The following TCF25 variants were observed in gnomAD, a reference collection of about 807,000 sequenced individuals.
TCF25 encodes TCF25 ribosome quality control complex subunit, also known as ribosome quality control complex subunit TCF25.
TCF25 carries 41 observed loss-of-function variants against 83.1 expected under a neutral mutation model. That is an observed-to-expected ratio of 0.49 (90% CI 0.38 to 0.64). The LOEUF is 0.64. Ranked by LOEUF, TCF25 falls within the 30% of genes least tolerant of loss-of-function variation. The pLI is 0.00. For synonymous variants in TCF25, 458 were observed against 365.0 expected, an observed-to-expected ratio of 1.25 and a Z score of -2.90; for missense variants, 979 against 914.5, an observed-to-expected ratio of 1.07 and a Z score of -0.91.
intron 1 of TCF25, among the ~76,000 whole-genome samples, chr16:89,882,597 T>C (rs904683686): frequency 6.6e-6 from 1 of 152,200 alleles, no homozygotes; most frequent in African/African-American, 2.4e-5. Flanking sequence ...ATTTTGTTTT[T>C]CTATTTTGAG....
intron 9 of TCF25, among the ~76,000 whole-genome samples, chr16:89,897,440 T>C (rs1430803441): frequency 9.2e-5 from 14 of 152,264 alleles, no homozygotes; most frequent in African/African-American, 3.4e-4. Context: ...CCCTGGGTTG[T>C]CTGCAGTGTG....
At chr16:89,891,509 C>T (rs2043425224) in intron 5 of TCF25, among the ~76,000 whole-genome samples, 1 of 152,202 alleles carries the variant, frequency 6.6e-6, no homozygotes. Context: ...GCGGCTGCCA[C>T]GCCCCACCTG....
At chr16:89,889,552 CTT>C (rs773150311) in intron 5 of TCF25, 93 of 143,302 alleles carry the variant, frequency 6.5e-4, no homozygotes, top group South Asian at 2.9e-3. Flanking sequence ...CGTCTGAGTT[CTT>C]TTTTTTTTTT....
chr16:89,911,023 C>T (rs775059191), intron 17 of TCF25, 57 bp from the exon 18 acceptor site: 89 of 1,596,876 alleles, frequency 5.6e-5, no homozygotes, highest in Middle Eastern at 2.3e-4. Flanking sequence ...GCTTGGGCCC[C>T]GGGCCCCTAG....
intron 1 of TCF25, among the ~76,000 whole-genome samples, chr16:89,879,915 G>C (rs373579297): frequency 6.9e-6 from 1 of 145,972 alleles, no homozygotes; most frequent in East Asian, 2.0e-4. Flanking sequence ...CGTGTTGTCC[G>C]TGTACACAGA....
intron 1 of TCF25, among the ~76,000 whole-genome samples, chr16:89,882,408 C>G (rs1367981153): frequency 1.3e-5 from 2 of 151,982 alleles, no homozygotes; most frequent in Non-Finnish European, 2.9e-5. Context: ...CATGGTAGCT[C>G]ACGCCTGTAG....
intron 1 of TCF25, among the ~76,000 whole-genome samples, chr16:89,875,702 T>G (rs144219656): frequency 0.16 from 24,287 of 151,138 alleles, 2,109 homozygotes; most frequent in Middle Eastern, 0.37. Context: ...TTTTGTATTT[T>G]TAGTAGAGAT....
At chr16:89,897,268 T>G (rs755901623) in intron 9 of TCF25, among the ~76,000 whole-genome samples, 1 of 152,242 alleles carries the variant, frequency 6.6e-6, no homozygotes, top group Non-Finnish European at 1.5e-5. Flanking sequence ...CAGATACTTC[T>G]GCCCCTAAAG....
intron 12 of TCF25, 55 bp downstream of exon 12, chr16:89,900,849 G>C: frequency 6.8e-7 from 1 of 1,460,968 alleles, no homozygotes; most frequent in Admixed American, 2.0e-5. Flanking sequence ...CAGCCGTGGG[G>C]GCTGCTCTTC....
intron 7 of TCF25, 183 bp downstream of exon 7, chr16:89,894,041 A>AGAG: frequency 1.2e-6 from 1 of 833,058 alleles, no homozygotes; most frequent in South Asian, 1.8e-5. Context: ...CGGAGGCTCT[A>AGAG]GGCCAAGCGA....
intron 13 of TCF25, 92 bp downstream of exon 13, chr16:89,904,297 C>T (rs910666687): frequency 7.2e-7 from 1 of 1,383,188 alleles, no homozygotes; most frequent in Non-Finnish European, 1.0e-6. Flanking sequence ...CCTGAGGGAC[C>T]TGCTTCCAGC....
chr16:89,896,874 C>G (rs538474067), intron 9 of TCF25, among the ~76,000 whole-genome samples: 18 of 152,196 alleles, frequency 1.2e-4, no homozygotes, highest in Admixed American at 3.9e-4. Flanking sequence ...ATTTTAAAAA[C>G]TAGCTGCGCC....
Position 89,883,345 on chromosome 16 carries a change from T to C in TCF25, c.193-6T>C, listed in dbSNP as rs2042749353. 1 of 1,612,502 alleles carries C rather than the reference T, an allele frequency of 6.2e-7. No homozygotes were observed. Among genetic ancestry groups the C allele is most frequent in the African/African-American group, 1.3e-5 (1 of 75,022 alleles). On this transcript the variant is annotated splice_region_variant and splice_polypyrimidine_tract_variant and intron_variant, in intron 1 of 17. Transcript: ENST00000263346. The stretch of plus-strand genomic sequence containing the variant: ...GCCCTGGCTCTTCTCCAACCTGTTT[T>C]TCCAGATAAACATTGACGATCTTGA...
Position 89,873,644 on chromosome 16 carries a change from C to G in TCF25, c.-24C>G, listed in dbSNP as rs2041919560. 1 of 1,542,818 alleles carries G rather than the reference C, an allele frequency of 6.5e-7. No homozygotes were observed. Among genetic ancestry groups the G allele is most frequent in the Non-Finnish European group, 8.7e-7 (1 of 1,150,608 alleles). Reference sequence around the variant, plus strand: ...TTCTGCGCTTCCTTCTCCCTCTCTCCAGACGTCGTGGTCGTTCGGTCCTAT... The same window carrying G: ...TTCTGCGCTTCCTTCTCCCTCTCTCGAGACGTCGTGGTCGTTCGGTCCTAT... On this transcript the variant is annotated 5_prime_UTR_variant, in exon 1 of 18. Transcript: ENST00000263346.
At chr16:89,891,424 G>C (rs2043419249) in intron 5 of TCF25, among the ~76,000 whole-genome samples, 1 of 152,240 alleles carries the variant, frequency 6.6e-6, no homozygotes, top group South Asian at 2.1e-4. Flanking sequence ...GGCCAGGGCA[G>C]GGATGGCCCC....
At chr16:89,904,299 G>A in intron 13 of TCF25, 94 bp downstream of exon 13, 1 of 1,365,344 alleles carries the variant, frequency 7.3e-7, no homozygotes, top group African/African-American at 1.4e-5. Flanking sequence ...TGAGGGACCT[G>A]CTTCCAGCAG....
At chr16:89,895,002 GTGCCTTTCC>G (rs755077326) in intron 7 of TCF25, 27 bp from the exon 8 acceptor site, 2 of 1,591,560 alleles carry the variant, frequency 1.3e-6, no homozygotes, top group South Asian at 2.2e-5. Context: ...GCCTTGCTGA[GTGCCTTTCC>G]TCCAGGGCTG....
intron 11 of TCF25, among the ~76,000 whole-genome samples, chr16:89,899,589 G>A (rs1474782000): frequency 7.9e-5 from 12 of 152,126 alleles, no homozygotes; most frequent in Non-Finnish European, 1.2e-4. Flanking sequence ...TTAGCTGGGC[G>A]TGGTGGTGCA....
At chr16:89,907,507 A>T (rs72813433) in intron 16 of TCF25, among the ~76,000 whole-genome samples, 185 bp downstream of exon 16, 71 of 4,906 alleles carry the variant, frequency 0.014, no homozygotes, top group East Asian at 0.036. Flanking sequence ...CCCTCCTCCC[A>T]CCTCCCACCT....
Sources: gnomAD v4.1 joint callset for allele counts (sites outside exome capture counted in the v4.1 genomes callset) on GRCh38, gnomAD v4.1.1 for gene constraint, MANE v1.5 for transcripts, NCBI Gene and HGNC (gene_info 2026-07-23, HGNC 2026-07-21) for gene names.